The following NRXN3 variants were observed in gnomAD, a reference collection of about 807,000 sequenced individuals.
NRXN3 encodes the protein neurexin 3.
NRXN3 carries 32 observed loss-of-function variants against 137.6 expected under a neutral mutation model. The observed-to-expected ratio is 0.23, with a 90% CI of 0.18 to 0.31. NRXN3 has a LOEUF of 0.31. Ranked by LOEUF, NRXN3 falls within the 10% of genes least tolerant of loss-of-function variation. The pLI, the probability that NRXN3 is intolerant of heterozygous loss-of-function variation, is 1.00. For missense variants in NRXN3, 1,574 were observed against 2,062.5 expected (o/e 0.76, Z 4.59); for synonymous variants, 798 against 784.5 (o/e 1.02, Z -0.29).
At chr14:79,030,751 A>C (rs567975904) in intron 15 of NRXN3, among the ~76,000 whole-genome samples, 28 of 147,394 alleles carry the variant, frequency 1.9e-4, no homozygotes, top group African/African-American at 6.7e-4. Context: ...TTTGGTGTGG[A>C]AACTGTCTTT....
rs551489559 is a variant in NRXN3 at position 78,801,049 on chromosome 14, CA to C, written c.2045-2570del. ...CTAAAGAAATACATGAGGCCGGGCG[CA>C]GTGGCTCACGCCTGTAATCCCAGCA... On this transcript the variant is annotated intron_variant, in intron 8 of 20. Transcript: ENST00000335750. 5.8e-4 allele frequency among the ~76,000 whole-genome samples: 89 copies of C among 152,320 alleles called. 1 individual carries two copies. The highest frequency in any genetic ancestry group is 1.0e-3 in the Admixed American group (16 of 15,308).
intron 19 of NRXN3, among the ~76,000 whole-genome samples, chr14:79,702,771 A>G (rs1438991209): frequency 6.6e-6 from 1 of 152,040 alleles, no homozygotes; most frequent in East Asian, 1.9e-4. Flanking sequence ...TGACTCCAAT[A>G]TTGGTGGGTA....
intron 15 of NRXN3, among the ~76,000 whole-genome samples, chr14:79,011,102 G>T (rs780737386): frequency 6.6e-6 from 1 of 152,070 alleles, no homozygotes; most frequent in South Asian, 2.1e-4. Context: ...TTTACGTAGA[G>T]GTCTCAAGTG....
At chr14:78,440,390 G>A (rs8014352) in intron 4 of NRXN3, among the ~76,000 whole-genome samples, 15,500 of 151,770 alleles carry the variant, frequency 0.1, 1,144 homozygotes, top group African/African-American at 0.2. Context: ...TGATGATGAT[G>A]ATGATTACTG....
chr14:78,456,869 C>T (rs375163018), intron 4 of NRXN3, among the ~76,000 whole-genome samples: 1 of 120,324 alleles, frequency 8.3e-6, no homozygotes, highest in African/African-American at 3.0e-5. Context: ...CTCTTTCTTT[C>T]TTTCTTTCTT....
chr14:78,896,483 C>G (rs192066966), intron 10 of NRXN3, among the ~76,000 whole-genome samples: 1 of 151,712 alleles, frequency 6.6e-6, no homozygotes, highest in Non-Finnish European at 1.5e-5. Flanking sequence ...GTATATTCAG[C>G]TCCACAATGA....
At chr14:78,677,560 C>G (rs73315850) in intron 6 of NRXN3, among the ~76,000 whole-genome samples, 96 of 152,228 alleles carry the variant, frequency 6.3e-4, no homozygotes, top group African/African-American at 1.9e-3. Context: ...ATGGAATCCA[C>G]TCTTGGTAAA....
At chr14:78,911,078 CAAT>C (rs1288120646) in intron 10 of NRXN3, among the ~76,000 whole-genome samples, 6 of 152,132 alleles carry the variant, frequency 3.9e-5, no homozygotes, top group Admixed American at 2.0e-4. Context: ...TTTATGGTAA[CAAT>C]AACATTATGC....
rs1467670768 is a variant in NRXN3, at chr14:78,507,711, A to G, written c.758-137409A>G. 4.7e-4 allele frequency among the ~76,000 whole-genome samples: 71 copies of G among 152,178 alleles called. 2 individuals carry two copies. Among genetic ancestry groups the G allele is most frequent in the Admixed American group, 4.6e-3 (71 of 15,274 alleles). ...AAAATGTGGCTGTTAGCCTCTAATT[A>G]AGATGTGTGTATATTGATTGCAGTG... On this transcript the variant is annotated intron_variant, in intron 4 of 20. Transcript: ENST00000335750.
intron 4 of NRXN3, among the ~76,000 whole-genome samples, chr14:78,643,249 T>A (rs1299808068): frequency 6.6e-6 from 1 of 152,220 alleles, no homozygotes; most frequent in East Asian, 1.9e-4. Context: ...CAGATCTGAG[T>A]TGAAGTGGAC....
chr14:79,190,575 G>A (rs2064155853), intron 15 of NRXN3, among the ~76,000 whole-genome samples: 1 of 152,116 alleles, frequency 6.6e-6, no homozygotes, highest in Admixed American at 6.5e-5. Flanking sequence ...GCTACTGAAG[G>A]CAAGTGTCCA....
chr14:79,523,245 C>T (rs1477222765), intron 16 of NRXN3, among the ~76,000 whole-genome samples: 2 of 152,164 alleles, frequency 1.3e-5, no homozygotes, highest in African/African-American at 4.8e-5. Flanking sequence ...CCAAATGCAG[C>T]TATCTTCAGT....
chr14:78,967,956 G>C (rs2152999577), intron 13 of NRXN3, among the ~76,000 whole-genome samples: 1 of 143,994 alleles, frequency 6.9e-6, no homozygotes, highest in Middle Eastern at 4.0e-3. Context: ...ATAAATTTTT[G>C]AGATGGTATA....
intron 16 of NRXN3, among the ~76,000 whole-genome samples, chr14:79,644,612 A>C (rs1044027899): frequency 4.4e-5 from 6 of 136,294 alleles, no homozygotes; most frequent in African/African-American, 1.5e-4. Context: ...TCTCTGATGA[A>C]AGAAATGGAT....
At chr14:79,551,462 GA>G (rs1387266354) in intron 16 of NRXN3, among the ~76,000 whole-genome samples, 2 of 152,172 alleles carry the variant, frequency 1.3e-5, no homozygotes, top group African/African-American at 2.4e-5. Context: ...CGGCTTTAAT[GA>G]AACATTGACT....
intron 4 of NRXN3, among the ~76,000 whole-genome samples, chr14:78,459,614 C>G (rs2094858284): frequency 6.6e-6 from 1 of 152,126 alleles, no homozygotes; most frequent in South Asian, 2.1e-4. Flanking sequence ...GGTGGAAAAA[C>G]CCAGTGTCCC....
intron 16 of NRXN3, among the ~76,000 whole-genome samples, chr14:79,654,393 A>G (rs932003150): frequency 6.6e-6 from 1 of 152,196 alleles, no homozygotes; most frequent in Non-Finnish European, 1.5e-5. Context: ...GGGGTCAGCA[A>G]CTTTTTCTGT....
chr14:79,102,474 T>C (rs2051508291), intron 15 of NRXN3, among the ~76,000 whole-genome samples: 1 of 152,192 alleles, frequency 6.6e-6, no homozygotes, highest in Admixed American at 6.5e-5. Context: ...GAATGTCTCT[T>C]AGAACACAGG....
At chr14:79,759,756 G>T (rs1296018727) in intron 19 of NRXN3, among the ~76,000 whole-genome samples, 1 of 151,702 alleles carries the variant, frequency 6.6e-6, no homozygotes, top group African/African-American at 2.4e-5. Context: ...TCTCAGGATG[G>T]AATAGAATGT....
Sources: gnomAD v4.1 joint callset for allele counts (sites outside exome capture counted in the v4.1 genomes callset) on GRCh38, gnomAD v4.1.1 for gene constraint, MANE v1.5 for transcripts, NCBI Gene and HGNC (gene_info 2026-07-23, HGNC 2026-07-21) for gene names.